The following SIPA1L2 variants were observed in gnomAD, a reference collection of about 807,000 sequenced individuals.
The protein encoded by SIPA1L2 is signal-induced proliferation-associated 1-like protein 2.
Under a neutral mutation model 163.9 loss-of-function variants are expected in SIPA1L2, and 56 were observed. That is an observed-to-expected ratio of 0.34 (90% CI 0.28 to 0.43). The LOEUF (loss-of-function observed/expected upper bound fraction) is 0.43. Among genes scored for constraint, SIPA1L2 ranks in the 20% least tolerant of loss-of-function variants. The pLI is 1.00. For missense variants in SIPA1L2, 1,974 were observed against 2,193.5 expected (o/e 0.90, Z 2.00); for synonymous variants, 877 against 865.7 (o/e 1.01, Z -0.23).
chr1:232,430,535 T>C (rs1217237538), intron 16 of SIPA1L2, among the ~76,000 whole-genome samples: 8 of 152,222 alleles, frequency 5.3e-5, no homozygotes, highest in Non-Finnish European at 8.8e-5. Context: ...CTGACTGTTT[T>C]CTAAGCATAT....
At chr1:232,569,400 G>A (rs932513151) in intron 2 of SIPA1L2, among the ~76,000 whole-genome samples, 3 of 152,198 alleles carry the variant, frequency 2.0e-5, no homozygotes, top group Admixed American at 6.5e-5. Context: ...AAGAGATGGC[G>A]CACATCTGCT....
At chr1:232,445,892 C>G in intron 10 of SIPA1L2, 106 bp from the exon 11 acceptor site, 1 of 1,265,610 alleles carries the variant, frequency 7.9e-7, no homozygotes. Flanking sequence ...GTGTGTGCCT[C>G]TCCCGGCTCC....
At chr1:232,569,673 C>A (rs1353467140) in intron 2 of SIPA1L2, among the ~76,000 whole-genome samples, 2 of 152,202 alleles carry the variant, frequency 1.3e-5, no homozygotes, top group East Asian at 3.9e-4. Context: ...ATTAGCTGGG[C>A]GTGGTGGCGC....
At chr1:232,552,410 T>C (rs927879211) in intron 2 of SIPA1L2, among the ~76,000 whole-genome samples, 5 of 151,930 alleles carry the variant, frequency 3.3e-5, no homozygotes, top group African/African-American at 1.2e-4. Context: ...GTTTTCTGCT[T>C]GTTTCTTTTT....
rs531683736 is a variant in SIPA1L2 at position 232,405,917 on chromosome 1, T to C, written c.4763-1739A>G. The stretch of plus-strand genomic sequence containing the variant: ...CCACATATTTAACAGAAACAGAATT[T>C]CCTACAGGCAGTCATTCAGACATCC... On this transcript the variant is annotated intron_variant, in intron 19 of 22. Transcript: ENST00000674635. 7.9e-5 allele frequency among the ~76,000 whole-genome samples: 12 copies of C among 152,308 alleles called. No individual in the cohort carries two copies. In the South Asian group the frequency reaches 2.5e-3, roughly 32 times the overall value.
At chr1:232,482,137 T>C (rs1665392215) in intron 6 of SIPA1L2, among the ~76,000 whole-genome samples, 1 of 152,310 alleles carries the variant, frequency 6.6e-6, no homozygotes, top group African/African-American at 2.4e-5. Flanking sequence ...TCTCATCTCC[T>C]TGAGCTAAGG....
chr1:232,571,583 T>C (rs1659732141), intron 2 of SIPA1L2, among the ~76,000 whole-genome samples: 1 of 152,208 alleles, frequency 6.6e-6, no homozygotes, highest in Non-Finnish European at 1.5e-5. Flanking sequence ...GGGTATTTGC[T>C]CCCTCCAAAT....
Position 232,514,031 on chromosome 1 carries a change from C to T in SIPA1L2, c.1309G>A (p.Gly437Arg). 1 of 1,614,184 alleles carries T rather than the reference C, an allele frequency of 6.2e-7. No homozygotes were observed. The highest frequency in any genetic ancestry group is 2.2e-5 in the East Asian group (1 of 44,874). ...SRANSSSFSS[G>R]ESCSFESSLS... ...GACGATTCGAAAGAGCAGCTTTCCC[C>T]AGAACTGAAAGAGGATGAGTTGGCT... is the stretch of plus-strand genomic sequence containing the variant. Residue 437 changes from glycine (G) to arginine (R), a missense_variant, in exon 3 of 23, where the codon GGG (glycine) becomes AGG (arginine). Physicochemically the swap from Gly to Arg is moderately radical, Grantham distance 125. Around this residue, in one of 3 missense-constraint regions of SIPA1L2, gnomAD observed 607 missense variants for 624.0 expected, o/e 0.97. Transcript: ENST00000674635.
chr1:232,509,473 G>C (rs1007465418), intron 3 of SIPA1L2, among the ~76,000 whole-genome samples: 2 of 152,138 alleles, frequency 1.3e-5, no homozygotes, highest in African/African-American at 4.8e-5. Flanking sequence ...AAATCCTTGA[G>C]AGAAGGGAAA....
At chr1:232,568,485 C>T (rs2102767308) in intron 2 of SIPA1L2, among the ~76,000 whole-genome samples, 1 of 152,254 alleles carries the variant, frequency 6.6e-6, no homozygotes, top group East Asian at 1.9e-4. Context: ...CTTTTTCACT[C>T]TCATAGACCT....
chr1:232,464,764 G>T, intron 9 of SIPA1L2, 76 bp downstream of exon 9: 1 of 1,181,904 alleles, frequency 8.5e-7, no homozygotes, highest in Non-Finnish European at 1.2e-6. Context: ...CATGGTAGCA[G>T]TTCCCCAGTG....
chr1:232,583,328 T>C (rs914369673), intron 1 of SIPA1L2, among the ~76,000 whole-genome samples: 4 of 152,238 alleles, frequency 2.6e-5, no homozygotes, highest in Non-Finnish European at 4.4e-5. Flanking sequence ...TTAGCATATA[T>C]AGCTGATACA....
At chr1:232,553,396 G>A (rs544859482) in intron 2 of SIPA1L2, among the ~76,000 whole-genome samples, 7 of 152,214 alleles carry the variant, frequency 4.6e-5, no homozygotes, top group Non-Finnish European at 1.0e-4. Context: ...GGGCGTAGTG[G>A]GCCAAAAGAC....
intron 8 of SIPA1L2, 112 bp downstream of exon 8, chr1:232,471,259 T>C (rs1664783774): frequency 1.7e-6 from 2 of 1,187,622 alleles, no homozygotes; most frequent in Admixed American, 4.7e-5. Context: ...GTCTGAGTAA[T>C]TAGAAAATCA....
At chr1:232,416,415 C>T (rs1661267526) in intron 18 of SIPA1L2, among the ~76,000 whole-genome samples, 1 of 152,186 alleles carries the variant, frequency 6.6e-6, no homozygotes, top group Non-Finnish European at 1.5e-5. Context: ...AGCCTCTGTA[C>T]ACTATTGTAA....
At chr1:232,507,626 T>C (rs545231738) in intron 3 of SIPA1L2, among the ~76,000 whole-genome samples, 1 of 152,362 alleles carries the variant, frequency 6.6e-6, no homozygotes, top group African/African-American at 2.4e-5. Context: ...TGTAGAGGTA[T>C]TGCATCTACA....
intron 3 of SIPA1L2, among the ~76,000 whole-genome samples, chr1:232,508,745 G>A (rs1319073676): frequency 6.6e-6 from 1 of 152,204 alleles, no homozygotes; most frequent in African/African-American, 2.4e-5. Context: ...CCCGTGAAAG[G>A]AAGGGACTTA....
At chr1:232,611,005 G>C (rs1662208877) in intron 1 of SIPA1L2, among the ~76,000 whole-genome samples, 2 of 152,152 alleles carry the variant, frequency 1.3e-5, no homozygotes, top group African/African-American at 4.8e-5. Flanking sequence ...ATAATTCCCA[G>C]GTGTTGTGGG....
chr1:232,578,339 G>C (rs764010275), intron 1 of SIPA1L2, among the ~76,000 whole-genome samples: 11 of 151,590 alleles, frequency 7.3e-5, no homozygotes, highest in Non-Finnish European at 1.3e-4. Context: ...GCAAACCTCC[G>C]AAGTATGCCT....
Sources: gnomAD v4.1 joint callset for allele counts (sites outside exome capture counted in the v4.1 genomes callset) on GRCh38, gnomAD v4.1.1 for gene constraint, gnomAD v4.1.1 regional missense constraint, MANE v1.5 for transcripts, NCBI Gene and HGNC (gene_info 2026-07-23, HGNC 2026-07-21) for gene names.